MCTP2: variants seen among roughly 807,000 people sequenced by gnomAD.
MCTP2 encodes the protein multiple C2 and transmembrane domain-containing protein 2.
In MCTP2, 132 loss-of-function variants were observed where a neutral mutation model predicts 111.6. The ratio of observed to expected loss-of-function variants is 1.18; its 90% confidence interval spans 1.03 to 1.37. MCTP2 has a LOEUF of 1.37. Among genes scored for constraint, MCTP2 ranks in the 40% most tolerant of loss-of-function variants. The pLI, the probability that MCTP2 is intolerant of heterozygous loss-of-function variation, is 0.00. For missense variants in MCTP2, 1,183 were observed against 1,067.9 expected (o/e 1.11, Z -1.50); for synonymous variants, 395 against 387.7 (o/e 1.02, Z -0.22).
intron 20 of MCTP2, among the ~76,000 whole-genome samples, chr15:94,462,351 T>C (rs1237969614): frequency 2.0e-5 from 3 of 152,226 alleles, no homozygotes; most frequent in Non-Finnish European, 4.4e-5. Context: ...GTCTCATAAG[T>C]GCCTAAGTCA....
chr15:94,298,229 A>G lies in MCTP2; in HGVS notation c.-37A>G. 1 of 1,491,428 alleles carries G rather than the reference A, an allele frequency of 6.7e-7. No individual in the cohort carries two copies. Among genetic ancestry groups the G allele is most frequent in the Non-Finnish European group, 9.1e-7 (1 of 1,104,416 alleles). The allele number at this position is 1,491,428 out of a possible 1,614,324, so 92.4% of individuals were successfully genotyped here. ...TCATTGCAGTTTTCAGTAGAGGTGT[A>G]CTTCTGAGAAGTGGCTTCTTGGGTC... On this transcript the variant is annotated 5_prime_UTR_variant, in exon 2 of 23. Coordinates refer to ENST00000357742, the MANE Select transcript of MCTP2 (RefSeq NM_001385001.1).
chr15:94,330,370 A>G (rs1206281377), intron 4 of MCTP2, among the ~76,000 whole-genome samples: 2 of 152,210 alleles, frequency 1.3e-5, no homozygotes, highest in East Asian at 3.8e-4. Context: ...AGAATGCGAG[A>G]GTATCAATAA....
chr15:94,475,148 A>G (rs1596865928), intron 21 of MCTP2, among the ~76,000 whole-genome samples: 1 of 152,198 alleles, frequency 6.6e-6, no homozygotes, highest in Non-Finnish European at 1.5e-5. Flanking sequence ...CTACAATTAA[A>G]TGTCTTTAGA....
At chr15:94,279,254 G>A (rs2074362862) in intron 1 of MCTP2, among the ~76,000 whole-genome samples, 1 of 152,132 alleles carries the variant, frequency 6.6e-6, no homozygotes, top group South Asian at 2.1e-4. Context: ...CAAGAGCATG[G>A]AATGCTTTTC....
intron 17 of MCTP2, among the ~76,000 whole-genome samples, chr15:94,415,162 A>G (rs912184164): frequency 6.6e-6 from 1 of 152,114 alleles, no homozygotes; most frequent in Non-Finnish European, 1.5e-5. Context: ...CAGAGTGTTA[A>G]TGCACTCTGC....
At position 94,372,758 on chromosome 15, in the gene MCTP2, A is replaced by G. The variant is rs2079554542; in HGVS notation, c.1582+2578A>G. ...CATTTATTGCAGTTGCTAGGGGAGT[A>G]AAGCATTCACCCACAAATTAAAAAA... On this transcript the variant is annotated intron_variant, in intron 12 of 22. Transcript: ENST00000357742. Among the ~76,000 whole-genome samples, 3 of 151,140 alleles carry G rather than the reference A, an allele frequency of 2.0e-5. No homozygotes were observed. In the South Asian group the frequency reaches 6.3e-4, roughly 32 times the overall value.
At chr15:94,256,421 C>G (rs185694660) in intron 1 of MCTP2, among the ~76,000 whole-genome samples, 4 of 152,290 alleles carry the variant, frequency 2.6e-5, no homozygotes, top group Non-Finnish European at 5.9e-5. Flanking sequence ...TACCACCCTC[C>G]TCCCCATGTC....
intron 19 of MCTP2, among the ~76,000 whole-genome samples, chr15:94,450,723 C>G (rs1460188299): frequency 1.3e-5 from 2 of 152,150 alleles, no homozygotes; most frequent in African/African-American, 4.8e-5. Flanking sequence ...TTGCATTAAT[C>G]TCTTCTGAGA....
chr15:94,390,028 A>G (rs2080779913), intron 14 of MCTP2, among the ~76,000 whole-genome samples: 1 of 144,828 alleles, frequency 6.9e-6, no homozygotes, highest in Admixed American at 7.0e-5. Flanking sequence ...TATATTCATT[A>G]TTGATGGTGA....
chr15:94,299,869 G>A lies in MCTP2; in HGVS notation c.465+1139G>A, dbSNP rs1247674403. On this transcript the variant is annotated intron_variant, in intron 2 of 22. Transcript: ENST00000357742. The stretch of plus-strand genomic sequence containing the variant: ...TTTGGAGGATATCATGGCCATATTC[G>A]TTAGCAAGCATTACTATATTAAGAC... Among the ~76,000 whole-genome samples the A allele has an allele frequency of 8.5e-5, 13 of 152,260 alleles. No homozygotes were observed. The East Asian group carries it at 1.9e-3, about 23-fold the overall frequency.
At chr15:94,327,013 C>G (rs1262783973) in intron 4 of MCTP2, among the ~76,000 whole-genome samples, 2 of 29,070 alleles carry the variant, frequency 6.9e-5, no homozygotes, top group Non-Finnish European at 1.4e-4. Context: ...TTCCATGCAT[C>G]ACTTGTTCAT....
rs190813821 is a variant in MCTP2, at chr15:94,356,062, G to A, written c.1006-75G>A. ...TTTTATAATTAAATACTGAAAGTTG[G>A]AATTCCTATGATCATCAAAGTCACT... On this transcript the variant is annotated intron_variant, in intron 8 of 22. Coordinates refer to ENST00000357742, the MANE Select transcript of MCTP2 (RefSeq NM_001385001.1). 9.3e-6 allele frequency: 13 copies of A among 1,395,862 alleles called. No homozygotes were observed. The Middle Eastern group carries it at 5.7e-4, about 62-fold the overall frequency. 86.5% of individuals were successfully genotyped at this position (1,395,862 alleles called of 1,614,324 possible).
chr15:94,300,618 A>G (rs926670171), intron 2 of MCTP2, among the ~76,000 whole-genome samples: 3 of 152,126 alleles, frequency 2.0e-5, no homozygotes, highest in Non-Finnish European at 4.4e-5. Flanking sequence ...AGAGATGGGT[A>G]AGAAAGTGCC....
chr15:94,459,087 C>T (rs1331941152), intron 20 of MCTP2, among the ~76,000 whole-genome samples: 5 of 152,134 alleles, frequency 3.3e-5, no homozygotes, highest in African/African-American at 9.7e-5. Context: ...TTTCATTTGG[C>T]ACCAATAAGT....
intron 22 of MCTP2, among the ~76,000 whole-genome samples, chr15:94,477,935 A>T (rs1163167800): frequency 3.9e-5 from 6 of 152,130 alleles, no homozygotes; most frequent in Non-Finnish European, 8.8e-5. Flanking sequence ...CTGCTCCCTT[A>T]GGGCACCTTC....
intron 17 of MCTP2, among the ~76,000 whole-genome samples, chr15:94,408,973 T>C (rs3784646): frequency 0.15 from 22,383 of 152,188 alleles, 1,802 homozygotes; most frequent in Non-Finnish European, 0.16. Context: ...TGCAAGCACA[T>C]ATTTTCTGCC....
chr15:94,247,264 A>G (rs746257654), intron 1 of MCTP2, among the ~76,000 whole-genome samples: 1 of 152,066 alleles, frequency 6.6e-6, no homozygotes, highest in African/African-American at 2.4e-5. Context: ...TCAGCTCCTC[A>G]TGAGTGCTTC....
chr15:94,461,595 T>G (rs2085213057), intron 20 of MCTP2, among the ~76,000 whole-genome samples: 1 of 152,142 alleles, frequency 6.6e-6, no homozygotes, highest in South Asian at 2.1e-4. Context: ...CTTGAGTGGC[T>G]AGGGAAATCT....
chr15:94,398,445 G>T (rs1362358602), intron 14 of MCTP2, among the ~76,000 whole-genome samples: 1 of 152,108 alleles, frequency 6.6e-6, no homozygotes, highest in East Asian at 1.9e-4. Flanking sequence ...AAACTGAAAA[G>T]AACTAACATT....
Sources: allele counts gnomAD v4.1 joint callset (sites outside exome capture counted in the v4.1 genomes callset), GRCh38; gene constraint gnomAD v4.1.1; transcripts MANE v1.5; gene names NCBI Gene and HGNC (gene_info 2026-07-23, HGNC 2026-07-21).